The following ACRV1 variants were observed in gnomAD, a reference collection of about 807,000 sequenced individuals.
The protein encoded by ACRV1 is acrosomal protein SP-10.
In ACRV1, 17 loss-of-function variants were observed where a neutral mutation model predicts 29.2. The observed-to-expected ratio is 0.58, with a 90% CI of 0.40 to 0.87. The LOEUF is 0.87. Ranked by LOEUF, ACRV1 falls within the 40% of genes least tolerant of loss-of-function variation. The pLI is 0.00. For missense variants in ACRV1, 294 were observed against 316.0 expected, an observed-to-expected ratio of 0.93 and a Z score of 0.53; for synonymous variants, 98 against 111.6, an observed-to-expected ratio of 0.88 and a Z score of 0.77.
intron 3 of ACRV1, 25 bp downstream of exon 3, chr11:125,676,334 A>AT (rs763065065): frequency 1.2e-4 from 191 of 1,613,406 alleles, no homozygotes; most frequent in East Asian, 2.5e-4. Flanking sequence ...TCAGGCAGAA[A>AT]TTGCCTCATG....
intron 3 of ACRV1, among the ~76,000 whole-genome samples, chr11:125,675,148 T>C (rs915167938): frequency 1.3e-5 from 2 of 152,202 alleles, no homozygotes; most frequent in African/African-American, 2.4e-5. Flanking sequence ...CATTAGGATT[T>C]TTTAAAGTTG....
rs933395163 is a variant in ACRV1 at position 125,671,680 on chromosome 11, A to G, written c.*913T>C. The G allele has an allele frequency of 2.0e-5, 3 of 152,224 alleles. No homozygotes were observed. The highest frequency in any genetic ancestry group is 7.2e-5 in the African/African-American group (3 of 41,460). The allele number at this position is 152,224 out of a possible 1,614,324, so 9.4% of individuals were successfully genotyped here. A position where few individuals can be genotyped will look rare whatever the true frequency, so the allele number is the denominator to read the frequency against. ...GCAGATTTGGTTGTGGAATCTGCCTATAGCTCTCTGTAGCTCTGTAACCTT... is the reference window on the plus strand; with the variant it reads ...GCAGATTTGGTTGTGGAATCTGCCTGTAGCTCTCTGTAGCTCTGTAACCTT... On this transcript the variant is annotated 3_prime_UTR_variant, in exon 4 of 4. Transcript: ENST00000533904.
Position 125,678,279 on chromosome 11 carries a change from T to A in ACRV1, c.71A>T (p.Asn24Ile). 6.2e-7 allele frequency: 1 copy of A among 1,613,916 alleles called. No homozygotes were observed. The highest frequency in any genetic ancestry group is 1.7e-5 in the Admixed American group (1 of 59,966). The change falls in exon 2 of 4, where the codon AAT becomes ATT. Residue 24 changes from asparagine (N) to isoleucine (I), a missense_variant. By Grantham distance (149) the Asn-to-Ile change is moderately radical (BLOSUM62 -3). Transcript: ENST00000533904. ...GSARGTSSQPNELSGSIDHQT... is the reference protein window; with the variant it reads ...GSARGTSSQPIELSGSIDHQT... ...ATGATCTATGGAGCCAGAAAGCTCATTAGGCTGACTTGATGTTCCTGGGAT... is the reference window on the plus strand; with the variant it reads ...ATGATCTATGGAGCCAGAAAGCTCAATAGGCTGACTTGATGTTCCTGGGAT...
At chr11:125,675,528 G>T (rs1942460630) in intron 3 of ACRV1, among the ~76,000 whole-genome samples, 1 of 152,204 alleles carries the variant, frequency 6.6e-6, no homozygotes, top group African/African-American at 2.4e-5. Flanking sequence ...GAGGAGTCAG[G>T]CAGTGTGGTT....
intron 3 of ACRV1, among the ~76,000 whole-genome samples, chr11:125,675,427 G>A (rs1942456287): frequency 6.6e-6 from 1 of 152,172 alleles, no homozygotes; most frequent in South Asian, 2.1e-4. Flanking sequence ...CATGGTATGT[G>A]TCATTAATGT....
Position 125,678,175 on chromosome 11 carries a change from A to T in ACRV1, c.175T>A (p.Ser59Thr). The T allele has an allele frequency of 1.9e-6, 3 of 1,614,206 alleles. No individual in the cohort carries two copies. The highest frequency in any genetic ancestry group is 2.5e-6 in the Non-Finnish European group (3 of 1,180,038). The change falls in exon 2 of 4, where the codon TCT becomes ACT. Residue 59 changes from serine to threonine, a missense_variant. Physicochemically the swap from Ser to Thr is moderately conservative, Grantham distance 58. Coordinates refer to ENST00000533904, the MANE Select transcript of ACRV1 (RefSeq NM_001612.6). ...PSDAEALYET[S>T]SGLNTLSEHG... ...TCACTTAAAGTGTTCAGGCCTGAAGAAGTCTCATATAAAGCCTCAGCATCA... is the reference window on the plus strand; with the variant it reads ...TCACTTAAAGTGTTCAGGCCTGAAGTAGTCTCATATAAAGCCTCAGCATCA...
chr11:125,674,147 A>G (rs1942363249), intron 3 of ACRV1, among the ~76,000 whole-genome samples: 1 of 152,224 alleles, frequency 6.6e-6, no homozygotes, highest in South Asian at 2.1e-4. Context: ...TCTCAAAAAA[A>G]AAATTAACGG....
intron 2 of ACRV1, 55 bp from the exon 3 acceptor site, chr11:125,676,533 T>C: frequency 6.2e-7 from 1 of 1,605,262 alleles, no homozygotes; most frequent in Non-Finnish European, 8.5e-7. Context: ...ATGTGTAGCC[T>C]TGATTCACAT....
chr11:125,678,422 C>G (rs1942629902), intron 1 of ACRV1, 125 bp from the exon 2 acceptor site: 2 of 1,119,826 alleles, frequency 1.8e-6, no homozygotes, highest in Non-Finnish European at 2.5e-6. Flanking sequence ...GATTGGGCAC[C>G]TGAAGACTGC....
chr11:125,675,426 T>A (rs966030915), intron 3 of ACRV1, among the ~76,000 whole-genome samples: 27 of 152,252 alleles, frequency 1.8e-4, no homozygotes, highest in Non-Finnish European at 2.5e-4. Context: ...TCATGGTATG[T>A]GTCATTAATG....
At chr11:125,679,962 T>A (rs193203364) in intron 1 of ACRV1, among the ~76,000 whole-genome samples, 3 of 152,356 alleles carry the variant, frequency 2.0e-5, no homozygotes, top group African/African-American at 4.8e-5. Flanking sequence ...GTTTCTGATA[T>A]AGAAAGGAGA....
Position 125,678,088 on chromosome 11 carries a change from G to C in ACRV1, c.262C>G (p.His88Asp). 6.2e-7 allele frequency: 1 copy of C among 1,614,206 alleles called. No homozygotes were observed. Residue 88 changes from histidine (H) to aspartate (D), a missense_variant, in exon 2 of 4, where the codon CAT becomes GAT. By Grantham distance (81) the His-to-Asp change is moderately conservative (BLOSUM62 -1). Coordinates refer to ENST00000533904, the MANE Select transcript of ACRV1 (RefSeq NM_001612.6). ...HTVAEHTSGE[H>D]AESEHASGEP... ...CCTGAAGCATGCTCACTCTCAGCAT[G>C]TTCTCCAGAAGTGTGCTCGGCCACA...
intron 3 of ACRV1, among the ~76,000 whole-genome samples, chr11:125,675,723 G>C (rs1007847752): frequency 3.9e-5 from 6 of 152,002 alleles, no homozygotes; most frequent in Non-Finnish European, 8.8e-5. Context: ...CATTGTGCTA[G>C]GTCCCAGGAA....
intron 3 of ACRV1, among the ~76,000 whole-genome samples, chr11:125,673,212 C>CTTTT (rs11434532): frequency 4.7e-5 from 6 of 126,838 alleles, no homozygotes; most frequent in African/African-American, 1.9e-4. Flanking sequence ...CTTTTCTTTT[C>CTTTT]TTTTTTTTTT....
intron 1 of ACRV1, 119 bp downstream of exon 1, chr11:125,680,610 C>T (rs1380205464): frequency 1.1e-6 from 1 of 904,978 alleles, no homozygotes; most frequent in Non-Finnish European, 1.7e-6. Context: ...TTTAGCTGCT[C>T]TTGATTCTGA....
intron 3 of ACRV1, among the ~76,000 whole-genome samples, chr11:125,673,418 G>A (rs1332122286): frequency 6.6e-6 from 1 of 151,830 alleles, no homozygotes; most frequent in Non-Finnish European, 1.5e-5. Context: ...GGTCAGGCTG[G>A]TCTCGATCTC....
At position 125,678,182 on chromosome 11, in the gene ACRV1, A is replaced by C; in HGVS notation, c.168T>G (p.Tyr56Ter). Reference protein sequence around the residue: ...LENPSDAEALYETSSGLNTLS... With the variant: ...LENPSDAEAL ...AAGTGTTCAGGCCTGAAGAAGTCTC[A>C]TATAAAGCCTCAGCATCAGAAGGGT... Residue 56 changes from tyrosine (Y) to a stop codon, truncating the protein, a stop_gained, in exon 2 of 4, where the codon TAT becomes TAG. Coordinates refer to ENST00000533904, the MANE Select transcript of ACRV1 (RefSeq NM_001612.6). LOFTEE classifies it high-confidence loss of function. The C allele has an allele frequency of 6.2e-7, 1 of 1,614,198 alleles. No individual in the cohort carries two copies. The highest frequency in any genetic ancestry group is 8.5e-7 in the Non-Finnish European group (1 of 1,180,038).
chr11:125,678,205 G>T lies in ACRV1; in HGVS notation c.145C>A (p.Pro49Thr). 6.2e-7 allele frequency: 1 copy of T among 1,614,114 alleles called. No individual in the cohort carries two copies. The highest frequency in any genetic ancestry group is 8.5e-7 in the Non-Finnish European group (1 of 1,180,016). Residue 49 changes from proline to threonine, a missense_variant, in exon 2 of 4, where the codon CCT (proline) becomes ACT (threonine). Pro to Thr is a conservative substitution (Grantham distance 38, BLOSUM62 -1). Transcript: ENST00000533904. ...LPGEFFSLEN[P>T]SDAEALYETS... ...TCATATAAAGCCTCAGCATCAGAAG[G>T]GTTTTCAAGTGAAAAGAACTCACCT...
intron 2 of ACRV1, among the ~76,000 whole-genome samples, chr11:125,677,436 G>T (rs1942565148): frequency 6.6e-6 from 1 of 152,180 alleles, no homozygotes; most frequent in Non-Finnish European, 1.5e-5. Flanking sequence ...TTAAGAGGCA[G>T]GGTTAGCATA....
Sources: allele counts gnomAD v4.1 joint callset (sites outside exome capture counted in the v4.1 genomes callset), GRCh38; gene constraint gnomAD v4.1.1; transcripts MANE v1.5; gene names NCBI Gene and HGNC (gene_info 2026-07-23, HGNC 2026-07-21).